ENKUR: variants seen among roughly 807,000 people sequenced by gnomAD.
The protein encoded by ENKUR is enkurin.
Under a neutral mutation model 27.6 loss-of-function variants are expected in ENKUR, and 19 were observed. The ratio of observed to expected loss-of-function variants is 0.69; its 90% confidence interval spans 0.48 to 1.01. ENKUR has a LOEUF of 1.01. Ranked by LOEUF, ENKUR falls within the 50% of genes least tolerant of loss-of-function variation. The pLI is 0.00. For missense variants in ENKUR, 312 were observed against 310.5 expected, an observed-to-expected ratio of 1.00 and a Z score of -0.04; for synonymous variants, 117 against 96.9, an observed-to-expected ratio of 1.21 and a Z score of -1.22.
At chr10:25,033,485 A>G (rs1338445894) in intron 2 of ENKUR, among the ~76,000 whole-genome samples, 2 of 150,830 alleles carry the variant, frequency 1.3e-5, no homozygotes, top group Non-Finnish European at 2.9e-5. Flanking sequence ...TTATAGATTT[A>G]TAATGCATAT....
intron 2 of ENKUR, among the ~76,000 whole-genome samples, chr10:25,027,690 A>C (rs1260369971): frequency 6.6e-6 from 1 of 152,036 alleles, no homozygotes; most frequent in Non-Finnish European, 1.5e-5. Flanking sequence ...GGAGTTCAAG[A>C]TCAGCCTGGT....
chr10:25,054,501 CTTTCTTTCTTTCCTTT>C (rs1564358680), intron 2 of ENKUR, among the ~76,000 whole-genome samples: 11 of 138,960 alleles, frequency 7.9e-5, no homozygotes, highest in South Asian at 2.4e-4. Context: ...TTCTTTCTTT[CTTTCTTTCTTTCCTTT>C]CTTTCTTTCT....
intron 1 of ENKUR, among the ~76,000 whole-genome samples, chr10:25,013,455 A>T (rs1304160841): frequency 6.6e-6 from 1 of 152,256 alleles, no homozygotes; most frequent in Non-Finnish European, 1.5e-5. Flanking sequence ...AGGGTATTTT[A>T]GTGTGAGCCA....
intron 2 of ENKUR, among the ~76,000 whole-genome samples, chr10:25,053,582 G>A (rs1293467042): frequency 6.6e-6 from 1 of 152,108 alleles, no homozygotes; most frequent in Non-Finnish European, 1.5e-5. Context: ...ATAGTTAGAT[G>A]CAGCAGCTAG....
chr10:25,023,264 C>G (rs1850760726), intron 2 of ENKUR: 2 of 1,613,538 alleles, frequency 1.2e-6, no homozygotes, highest in African/African-American at 2.7e-5. Context: ...AAAAAGATAA[C>G]ACAGAAATGT....
At chr10:25,038,303 A>G (rs1247678859) in intron 2 of ENKUR, among the ~76,000 whole-genome samples, 1 of 152,218 alleles carries the variant, frequency 6.6e-6, no homozygotes, top group Non-Finnish European at 1.5e-5. Flanking sequence ...TTAAGTAGAC[A>G]TGGAACTGTG....
At chr10:25,025,656 A>G in intron 2 of ENKUR, 1 of 592,010 alleles carries the variant, frequency 1.7e-6, no homozygotes, top group South Asian at 2.3e-5. Context: ...GACAAAAGGT[A>G]ACACAGTGCA....
chr10:24,984,596 A>C (rs1007972108), intron 5 of ENKUR, 140 bp downstream of exon 5: 1 of 1,048,910 alleles, frequency 9.5e-7, no homozygotes, highest in Admixed American at 3.0e-5. Flanking sequence ...TATTCTTTGC[A>C]TATTGCCTAA....
rs1236230613 is a variant in ENKUR, at chr10:24,995,802, C to T, written c.291G>A (p.Met97Ile). ...TAAAATTTTTTCCACTCTGTATTCCCATGACAGGATGATCAGTCTTCAATG... is the reference window on the plus strand; with the variant it reads ...TAAAATTTTTTCCACTCTGTATTCCTATGACAGGATGATCAGTCTTCAATG... ...AVPLKTDHPV[M>I]GIQSGKNFIN... The change falls in exon 3 of 6, where the codon ATG becomes ATA. Residue 97 changes from methionine to isoleucine, a missense_variant. By Grantham distance (10) the Met-to-Ile change is conservative. Coordinates refer to ENST00000331161, the MANE Select transcript of ENKUR (RefSeq NM_145010.4). 5 of 1,613,988 alleles carry T rather than the reference C, an allele frequency of 3.1e-6. No homozygotes were observed. Among genetic ancestry groups the T allele is most frequent in the East Asian group, 2.2e-5 (1 of 44,868 alleles).
At chr10:25,034,100 C>CA (rs201253639) in intron 2 of ENKUR, among the ~76,000 whole-genome samples, 5,853 of 147,570 alleles carry the variant, frequency 0.04, 145 homozygotes, top group Non-Finnish European at 0.061. Context: ...GAAAATTATG[C>CA]AAAAAAAAAT....
chr10:24,999,290 G>T, intron 2 of ENKUR, 111 bp downstream of exon 2: 1 of 1,031,884 alleles, frequency 9.7e-7, no homozygotes, highest in Non-Finnish European at 1.4e-6. Context: ...TGTTTAATAT[G>T]AGGTAAAGCT....
At chr10:25,025,648 CA>C in intron 2 of ENKUR, 1 of 606,632 alleles carries the variant, frequency 1.6e-6, no homozygotes, top group Non-Finnish European at 2.9e-6. Flanking sequence ...CTGGAAGTGA[CA>C]AAAGGTAACA....
In ENKUR at chr10:24,983,015, G is replaced by A. The variant is rs565720850; in HGVS notation, c.*1355C>T. 1.3e-5 allele frequency: 2 copies of A among 152,238 alleles called. No individual in the cohort carries two copies. Among genetic ancestry groups the A allele is most frequent in the African/African-American group, 4.8e-5 (2 of 41,540 alleles). The allele number at this position is 152,238 out of a possible 1,614,324, so 9.4% of individuals were successfully genotyped here. On this transcript the variant is annotated 3_prime_UTR_variant, in exon 6 of 6. Transcript: ENST00000331161. ...AATTATTTAAAAATGAGTATGTATA[G>A]CAATCATTTCACAAATAAAATACTT...
At chr10:25,025,733 C>T in intron 2 of ENKUR, 1 of 359,140 alleles carries the variant, frequency 2.8e-6, no homozygotes, top group Non-Finnish European at 5.3e-6. Flanking sequence ...CACTCCCACA[C>T]CCTCACTGTT....
exon 2 of ENKUR, chr10:25,061,169 C>T (rs1401383486): frequency 6.5e-7 from 1 of 1,536,018 alleles, no homozygotes; most frequent in South Asian, 1.2e-5. Context: ...GAACAATCTC[C>T]ATAAGAAGTT....
At chr10:25,052,561 G>C (rs1253452976) in intron 2 of ENKUR, among the ~76,000 whole-genome samples, 1 of 152,078 alleles carries the variant, frequency 6.6e-6, no homozygotes, top group Non-Finnish European at 1.5e-5. Context: ...GAAGCCAGCA[G>C]TTTGAGACCA....
At chr10:25,039,937 T>TA (rs3050369) in intron 2 of ENKUR, among the ~76,000 whole-genome samples, 3,443 of 137,226 alleles carry the variant, frequency 0.025, 129 homozygotes, top group African/African-American at 0.082. Flanking sequence ...CTTAAAGTAT[T>TA]AAAAAAAAAA....
At chr10:25,048,839 T>C (rs1384267894) in intron 2 of ENKUR, among the ~76,000 whole-genome samples, 4 of 147,888 alleles carry the variant, frequency 2.7e-5, no homozygotes, top group East Asian at 4.1e-4. Flanking sequence ...CCCCAGCGAT[T>C]TGGGGTAAGA....
At chr10:25,024,511 G>A in intron 2 of ENKUR, 1 of 1,614,220 alleles carries the variant, frequency 6.2e-7, no homozygotes, top group Non-Finnish European at 8.5e-7. Flanking sequence ...AAATGGATGG[G>A]CAGTGGGTGT....
Sources: allele counts gnomAD v4.1 joint callset (sites outside exome capture counted in the v4.1 genomes callset), GRCh38; gene constraint gnomAD v4.1.1; transcripts MANE v1.5; gene names NCBI Gene and HGNC (gene_info 2026-07-23, HGNC 2026-07-21).